The following MYLK variants were observed in gnomAD, a reference collection of about 807,000 sequenced individuals.
The protein encoded by MYLK is myosin light chain kinase.
Under a neutral mutation model 203.4 loss-of-function variants are expected in MYLK, and 106 were observed. The observed-to-expected ratio is 0.52, with a 90% confidence interval of 0.45 to 0.61. MYLK has a LOEUF of 0.61. MYLK is among the 20% of genes least tolerant of loss of function. The probability of loss-of-function intolerance (pLI) is 0.00; values close to 1 mark genes in which losing one functional copy is unlikely to be tolerated. For synonymous variants in MYLK, 867 were observed against 959.5 expected (o/e 0.90, Z 1.78); for missense variants, 2,072 against 2,442.3 (o/e 0.85, Z 3.20).
chr3:123,858,484 G>A (rs72972392), intron 2 of MYLK, among the ~76,000 whole-genome samples: 3,078 of 152,222 alleles, frequency 0.02, 113 homozygotes, highest in African/African-American at 0.069. Flanking sequence ...GAAGTACAAG[G>A]TCGAGAGGCT....
intron 2 of MYLK, among the ~76,000 whole-genome samples, chr3:123,869,197 T>G (rs1288098100): frequency 6.6e-6 from 1 of 152,014 alleles, no homozygotes; most frequent in Non-Finnish European, 1.5e-5. Flanking sequence ...GTCTTGAACC[T>G]TGTCAAGAGG....
Position 123,626,812 on chromosome 3 carries a change from C to T in MYLK, c.5238+6G>A, listed in dbSNP as rs769544580. The T allele has an allele frequency of 4.0e-5, 65 of 1,614,070 alleles. No individual in the cohort carries two copies. The Admixed American group carries it at 1.1e-3, about 27-fold the overall frequency. ...ACATCCCAGTCCAAAGTGACCCTCT[C>T]ATTACCTGCCATTTCCTTCTTGCCA... On this transcript the variant is annotated splice_donor_region_variant and intron_variant, in intron 31 of 33. Transcript: ENST00000360304.
intron 24 of MYLK, among the ~76,000 whole-genome samples, chr3:123,651,444 G>A (rs994079988): frequency 6.6e-6 from 1 of 152,164 alleles, no homozygotes; most frequent in Admixed American, 6.5e-5. Context: ...CTAGGTCTTC[G>A]ACACAGAATC....
chr3:123,721,389 C>T (rs982010487), intron 13 of MYLK, among the ~76,000 whole-genome samples: 22 of 152,142 alleles, frequency 1.4e-4, no homozygotes, highest in African/African-American at 2.4e-5. Context: ...AAGCCCTGGA[C>T]CCAAGAAGCA....
chr3:123,800,265 TC>T (rs2065149184), intron 3 of MYLK: 1 of 151,968 alleles, frequency 6.6e-6, no homozygotes, highest in East Asian at 1.9e-4. Flanking sequence ...GAGAGCTGAG[TC>T]CTCGGAGGGG....
At position 123,722,187 on chromosome 3, in the gene MYLK, G is replaced by A. The variant is rs749069560; in HGVS notation, c.1745C>T (p.Thr582Ile). 6.4e-6 allele frequency: 10 copies of A among 1,562,916 alleles called. No homozygotes were observed. The highest frequency in any genetic ancestry group is 3.5e-5 in the South Asian group (3 of 84,692). ...DALPEDHGTY[T>I]CLAENALGQV... is the part of the protein sequence containing the mutation. ...CCCCAAGGCATTCTCAGCTAGGCAGGTGTAGGTGCCATGGTCCTCCGGCAG... is the reference window on the plus strand; with the variant it reads ...CCCCAAGGCATTCTCAGCTAGGCAGATGTAGGTGCCATGGTCCTCCGGCAG... The change falls in exon 13 of 34, where the codon ACC becomes ATC. Residue 582 changes from threonine (T) to isoleucine (I), a missense_variant. Thr to Ile is a moderately conservative substitution (Grantham distance 89). Coordinates refer to ENST00000360304, the MANE Select transcript of MYLK (RefSeq NM_053025.4).
intron 4 of MYLK, among the ~76,000 whole-genome samples, chr3:123,786,223 A>C (rs1398673292): frequency 6.6e-6 from 1 of 151,840 alleles, no homozygotes; most frequent in Non-Finnish European, 1.5e-5. Flanking sequence ...GTGTCGCTCG[A>C]ACCTGGGAGG....
At chr3:123,871,082 C>G (rs531927789) in intron 2 of MYLK, among the ~76,000 whole-genome samples, 14 of 152,098 alleles carry the variant, frequency 9.2e-5, no homozygotes, top group Admixed American at 3.3e-4. Context: ...GTCCCACCCC[C>G]AAGCAGAAGC....
intron 13 of MYLK, 33 bp downstream of exon 13, chr3:123,722,095 G>T: frequency 6.4e-7 from 1 of 1,555,482 alleles, no homozygotes; most frequent in South Asian, 1.2e-5. Flanking sequence ...CTGCAGGAAA[G>T]GTGCTTCTAC....
At chr3:123,691,134 C>T (rs1344209438) in intron 19 of MYLK, 1 of 152,204 alleles carries the variant, frequency 6.6e-6, no homozygotes, top group Non-Finnish European at 1.5e-5. Flanking sequence ...CGATAACCTC[C>T]TTCACTAGCT....
intron 13 of MYLK, chr3:123,716,007 A>G (rs1336213313): frequency 6.6e-6 from 1 of 152,212 alleles, no homozygotes; most frequent in African/African-American, 2.4e-5. Context: ...ACAATGCAAA[A>G]TGCCATTCCA....
intron 31 of MYLK, chr3:123,620,632 C>T (rs1342208682): frequency 8.6e-7 from 1 of 1,168,588 alleles, no homozygotes; most frequent in African/African-American, 1.6e-5. Context: ...TGCTTCAACT[C>T]CCATAAAAGG....
At position 123,701,059 on chromosome 3, in the gene MYLK, A is replaced by G. The variant is rs1318143273; in HGVS notation, c.2463-54T>C. The G allele has an allele frequency of 2.5e-6, 4 of 1,585,190 alleles. No homozygotes were observed. The Admixed American group carries it at 6.8e-5, about 27-fold the overall frequency. ...TAGCAGGAGGAAAAGGGGCTGGGTA[A>G]GAAAGAAACTTCAGGGGAGAGCAAA... On this transcript the variant is annotated intron_variant, in intron 17 of 33. Transcript: ENST00000360304.
intron 3 of MYLK, among the ~76,000 whole-genome samples, chr3:123,818,959 C>G (rs1273561173): frequency 6.6e-6 from 1 of 152,156 alleles, no homozygotes; most frequent in Non-Finnish European, 1.5e-5. Flanking sequence ...CCTAGATATT[C>G]CAGTTCCCTG....
chr3:123,694,967 T>A (rs1018520388), intron 18 of MYLK, among the ~76,000 whole-genome samples: 1 of 152,082 alleles, frequency 6.6e-6, no homozygotes, highest in Non-Finnish European at 1.5e-5. Context: ...GAGAGGGAGA[T>A]GAGGGGGATG....
intron 32 of MYLK, among the ~76,000 whole-genome samples, chr3:123,619,914 A>C (rs1240811056): frequency 1.3e-5 from 2 of 152,242 alleles, no homozygotes; most frequent in African/African-American, 4.8e-5. Flanking sequence ...ATTTTAATAC[A>C]ATCTTTGTTA....
intron 11 of MYLK, among the ~76,000 whole-genome samples, 165 bp from the exon 12 acceptor site, chr3:123,726,243 C>T (rs1363065497): frequency 6.6e-6 from 1 of 152,162 alleles, no homozygotes; most frequent in Non-Finnish European, 1.5e-5. Context: ...ACAGGCAGCA[C>T]CAGTGATGTA....
At chr3:123,696,116 G>A (rs1285542993) in intron 18 of MYLK, among the ~76,000 whole-genome samples, 1 of 152,190 alleles carries the variant, frequency 6.6e-6, no homozygotes, top group African/African-American at 2.4e-5. Flanking sequence ...AGCACGAAAG[G>A]GGGTGAACTA....
chr3:123,871,382 A>G (rs1294575473), intron 2 of MYLK, among the ~76,000 whole-genome samples: 1 of 152,154 alleles, frequency 6.6e-6, no homozygotes, highest in African/African-American at 2.4e-5. Flanking sequence ...CAAACCAACA[A>G]ACACCTGGTT....
Sources: allele counts gnomAD v4.1 joint callset (sites outside exome capture counted in the v4.1 genomes callset), GRCh38; gene constraint gnomAD v4.1.1; transcripts MANE v1.5; gene names NCBI Gene and HGNC (gene_info 2026-07-23, HGNC 2026-07-21).